PIGU: variants seen among roughly 807,000 people sequenced by gnomAD.
The protein encoded by PIGU is phosphatidylinositol glycan anchor biosynthesis class U.
PIGU carries 24 observed loss-of-function variants against 49.9 expected under a neutral mutation model. That is an observed-to-expected ratio of 0.48 (90% CI 0.35 to 0.68). The LOEUF is 0.68. PIGU is among the 30% of genes least tolerant of loss of function. The pLI, the probability that PIGU is intolerant of heterozygous loss-of-function variation, is 0.01. For synonymous variants in PIGU, 220 were observed against 205.7 expected, an observed-to-expected ratio of 1.07 and a Z score of -0.59; for missense variants, 490 against 532.6, an observed-to-expected ratio of 0.92 and a Z score of 0.79.
intron 7 of PIGU, among the ~76,000 whole-genome samples, chr20:34,610,836 T>A (rs1304554463): frequency 6.6e-6 from 1 of 152,158 alleles, no homozygotes; most frequent in Non-Finnish European, 1.5e-5. Context: ...CAAAACAGCA[T>A]GCTACTGCTA....
At chr20:34,602,975 G>A (rs536689995) in intron 7 of PIGU, among the ~76,000 whole-genome samples, 1 of 150,712 alleles carries the variant, frequency 6.6e-6, no homozygotes, top group Non-Finnish European at 1.5e-5. Flanking sequence ...TAAAATTTTT[G>A]ATACAATTTT....
At chr20:34,621,855 A>C (rs1308983409) in intron 6 of PIGU, among the ~76,000 whole-genome samples, 1 of 152,232 alleles carries the variant, frequency 6.6e-6, no homozygotes, top group Non-Finnish European at 1.5e-5. Context: ...GGGAGCTCCC[A>C]GTAAACAATT....
At chr20:34,666,933 C>T (rs1987123207) in intron 1 of PIGU, among the ~76,000 whole-genome samples, 1 of 151,936 alleles carries the variant, frequency 6.6e-6, no homozygotes, top group African/African-American at 2.4e-5. Flanking sequence ...CTCCTGACCT[C>T]GTGATCCACC....
intron 3 of PIGU, among the ~76,000 whole-genome samples, chr20:34,644,461 C>G (rs1303730054): frequency 2.0e-5 from 3 of 152,094 alleles, no homozygotes; most frequent in Admixed American, 1.3e-4. Flanking sequence ...GTTTAGTGGC[C>G]CATATCTGCT....
intron 2 of PIGU, among the ~76,000 whole-genome samples, chr20:34,649,653 G>A (rs2146775813): frequency 6.7e-6 from 1 of 149,750 alleles, no homozygotes; most frequent in Non-Finnish European, 1.5e-5. Flanking sequence ...TCCCACCTCA[G>A]CCTCCCGAGT....
intron 7 of PIGU, among the ~76,000 whole-genome samples, chr20:34,599,734 A>G (rs922690105): frequency 3.9e-5 from 6 of 152,234 alleles, no homozygotes; most frequent in African/African-American, 7.2e-5. Context: ...AAAGACTTTA[A>G]GGATGATGGA....
intron 7 of PIGU, among the ~76,000 whole-genome samples, chr20:34,589,381 G>A (rs1012107399): frequency 4.6e-5 from 7 of 152,260 alleles, no homozygotes; most frequent in African/African-American, 1.7e-4. Flanking sequence ...TTGAGACAGA[G>A]TCTTGCTGTG....
intron 6 of PIGU, among the ~76,000 whole-genome samples, chr20:34,631,312 A>T (rs916016493): frequency 6.6e-6 from 1 of 152,076 alleles, no homozygotes; most frequent in Non-Finnish European, 1.5e-5. Flanking sequence ...TAAAATATGC[A>T]TAACTTAATC....
At chr20:34,622,420 G>C (rs1187968598) in intron 6 of PIGU, among the ~76,000 whole-genome samples, 3 of 152,054 alleles carry the variant, frequency 2.0e-5, no homozygotes, top group African/African-American at 7.3e-5. Context: ...GGGAGGCTGA[G>C]GCAGGAGAAT....
intron 6 of PIGU, among the ~76,000 whole-genome samples, chr20:34,617,813 C>T (rs2146743077): frequency 6.6e-6 from 1 of 152,242 alleles, no homozygotes; most frequent in Non-Finnish European, 1.5e-5. Flanking sequence ...TTGTATCTCC[C>T]AGAATTCCCA....
intron 2 of PIGU, among the ~76,000 whole-genome samples, chr20:34,649,976 G>A (rs1986478467): frequency 6.6e-6 from 1 of 150,938 alleles, no homozygotes; most frequent in Admixed American, 6.6e-5. Flanking sequence ...AGCCTCCCAA[G>A]TAGCAGGGAC....
chr20:34,616,078 G>C lies in PIGU; in HGVS notation c.591C>G (p.Leu197=). The C allele has an allele frequency of 1.2e-6, 2 of 1,612,894 alleles. No homozygotes were observed. Among genetic ancestry groups the C allele is most frequent in the Non-Finnish European group, 1.7e-6 (2 of 1,179,534 alleles). The stretch of plus-strand genomic sequence containing the variant: ...AGAGGAGTCCTGGGACAAACAAGGT[G>C]AGTGGGTACAGAGACTGGTATGTCG... ...ALATYQSLYP[L]TLFVPGLLYL... Residue 197 remains leucine (L), a synonymous_variant, in exon 7 of 12, where the codon CTC becomes CTG. Coordinates refer to ENST00000217446, the MANE Select transcript of PIGU (RefSeq NM_080476.5).
At chr20:34,664,108 A>G (rs1189444896) in intron 1 of PIGU, among the ~76,000 whole-genome samples, 1 of 152,218 alleles carries the variant, frequency 6.6e-6, no homozygotes, top group Admixed American at 6.5e-5. Context: ...TACTTAATTG[A>G]TAACTGATCT....
chr20:34,587,374 A>C (rs1983738598), intron 8 of PIGU, among the ~76,000 whole-genome samples: 1 of 152,190 alleles, frequency 6.6e-6, no homozygotes, highest in Non-Finnish European at 1.5e-5. Context: ...CTGACAACAT[A>C]TAGTTGTACG....
At chr20:34,637,011 T>C (rs968646108) in intron 5 of PIGU, among the ~76,000 whole-genome samples, 3 of 152,160 alleles carry the variant, frequency 2.0e-5, no homozygotes, top group Admixed American at 1.3e-4. Context: ...CCAATATTTC[T>C]GAAATACATA....
intron 1 of PIGU, among the ~76,000 whole-genome samples, chr20:34,665,940 C>T (rs1568666406): frequency 6.6e-6 from 1 of 152,064 alleles, no homozygotes; most frequent in Admixed American, 6.6e-5. Flanking sequence ...AATCTCAATA[C>T]GTTGGGAGGC....
chr20:34,635,185 T>C (rs1985919864), intron 5 of PIGU, among the ~76,000 whole-genome samples: 1 of 152,230 alleles, frequency 6.6e-6, no homozygotes, highest in Admixed American at 6.5e-5. Context: ...CAGAGCCACA[T>C]ATCTCAAGAA....
chr20:34,567,966 C>T (rs1400641347), intron 11 of PIGU, among the ~76,000 whole-genome samples: 1 of 152,178 alleles, frequency 6.6e-6, no homozygotes, highest in South Asian at 2.1e-4. Context: ...GCTCCCAGCT[C>T]GTCAGGCTGC....
At position 34,575,129 on chromosome 20, in the gene PIGU, A is replaced by T; in HGVS notation, c.1169T>A (p.Ile390Asn). ...CTGCCCAACGTTGAAGGTCAGTGTG[A>T]TGGCATAAAAGAAATTAGAGTTGGC... Reference protein sequence around the residue: ...GSANSNFFYAITLTFNVGQIL... With the variant: ...GSANSNFFYANTLTFNVGQIL... The change falls in exon 11 of 12, where the codon ATC becomes AAC. Residue 390 changes from isoleucine (I) to asparagine (N), a missense_variant. Transcript: ENST00000217446. The T allele has an allele frequency of 6.2e-7, 1 of 1,614,184 alleles. No homozygotes were observed. Among genetic ancestry groups the T allele is most frequent in the Non-Finnish European group, 8.5e-7 (1 of 1,180,014 alleles).
Sources: gnomAD v4.1 joint callset for allele counts (sites outside exome capture counted in the v4.1 genomes callset) on GRCh38, gnomAD v4.1.1 for gene constraint, MANE v1.5 for transcripts, NCBI Gene and HGNC (gene_info 2026-07-23, HGNC 2026-07-21) for gene names.